The following PSMC1 variants were observed in gnomAD, a reference collection of about 807,000 sequenced individuals.
PSMC1 encodes 26S proteasome regulatory subunit 4.
A neutral mutation model predicts 49.8 loss-of-function variants in PSMC1; 5 were observed. That is an observed-to-expected ratio of 0.10 (90% CI 0.05 to 0.21). PSMC1 has a LOEUF of 0.21. Ranked by LOEUF, PSMC1 falls within the 10% of genes least tolerant of loss-of-function variation. PSMC1 has a pLI of 1.00. For missense variants in PSMC1, 181 were observed against 535.7 expected (o/e 0.34, Z 6.54); for synonymous variants, 155 against 192.1 (o/e 0.81, Z 1.60).
At chr14:90,260,352 T>C in intron 3 of PSMC1, 141 bp downstream of exon 3, 1 of 641,186 alleles carries the variant, frequency 1.6e-6, no homozygotes, top group Non-Finnish European at 2.7e-6. Context: ...TCTACCTCAC[T>C]CTTGAGTGTG....
intron 2 of PSMC1, among the ~76,000 whole-genome samples, chr14:90,259,545 T>C (rs141680812): frequency 2.0e-5 from 3 of 152,350 alleles, no homozygotes; most frequent in Non-Finnish European, 4.4e-5. Flanking sequence ...GCATATAACT[T>C]GATTCTTAAC....
rs1377390465 is a variant in PSMC1, at chr14:90,263,629, T to G, written c.280-33T>G. Reference sequence around the variant, plus strand: ...CAGGATCATCTACTTTGAGGTCTAGTCTGCTTTTTTCCCTTGGCATTTTCA... The same window carrying G: ...CAGGATCATCTACTTTGAGGTCTAGGCTGCTTTTTTCCCTTGGCATTTTCA... On this transcript the variant is annotated intron_variant, in intron 4 of 10. Coordinates refer to ENST00000261303, the MANE Select transcript of PSMC1 (RefSeq NM_002802.3). 4 of 1,604,780 alleles carry G rather than the reference T, an allele frequency of 2.5e-6. No homozygotes were observed. In the South Asian group the frequency reaches 4.4e-5, roughly 18 times the overall value.
chr14:90,269,311 T>C, intron 8 of PSMC1, 86 bp from the exon 9 acceptor site: 1 of 1,209,080 alleles, frequency 8.3e-7, no homozygotes, highest in East Asian at 2.4e-5. Context: ...GTTAAGGTGT[T>C]TTGTCACAAT....
rs116499899 is a variant in PSMC1 at position 90,274,409 on chromosome 14, G to T, written c.*2002G>T. ...GGCAGTCAGGCAGGTAAACAGGACA[G>T]TGGGAGCCAGGTTTCTCTGAGGAGT... On this transcript the variant is annotated 3_prime_UTR_variant, in exon 11 of 11. Coordinates refer to ENST00000261303, the MANE Select transcript of PSMC1 (RefSeq NM_002802.3). 7.4e-3 allele frequency: 1,146 copies of T among 154,146 alleles called. 10 individuals are homozygous for T. Among genetic ancestry groups the T allele is most frequent in the African/African-American group, 0.027 (1,103 of 41,504 alleles). 9.5% of individuals were successfully genotyped at this position (154,146 alleles called of 1,614,324 possible). A position where few individuals can be genotyped will look rare whatever the true frequency, so the allele number is the denominator to read the frequency against.
rs1029432932 is a variant in PSMC1 at position 90,275,370 on chromosome 14, T to G, written c.*2963T>G. On this transcript the variant is annotated 3_prime_UTR_variant, in exon 11 of 11. Coordinates refer to ENST00000261303, the MANE Select transcript of PSMC1 (RefSeq NM_002802.3). ...ACTCACACGGTTCAGGAAACAAAATTCTTTGTAACGCACTTGCATCTTTTC... is the reference window on the plus strand; with the variant it reads ...ACTCACACGGTTCAGGAAACAAAATGCTTTGTAACGCACTTGCATCTTTTC... The G allele has an allele frequency of 6.6e-6, 1 of 152,018 alleles. No homozygotes were observed. The highest frequency in any genetic ancestry group is 2.4e-5 in the African/African-American group (1 of 41,362). The allele number at this position is 152,018 out of a possible 1,614,324, so 9.4% of individuals were successfully genotyped here. A position where few individuals can be genotyped will look rare whatever the true frequency, so the allele number is the denominator to read the frequency against.
At position 90,274,836 on chromosome 14, in the gene PSMC1, A is replaced by ACCCC. The variant is rs1270606628; in HGVS notation, c.*2430_*2431insCCCC. 31 of 59,272 alleles carry ACCCC rather than the reference A, an allele frequency of 5.2e-4. 1 individual carries two copies. The East Asian group carries it at 6.6e-3, about 13-fold the overall frequency. The allele number at this position is 59,272 out of a possible 1,614,324, so 3.7% of individuals were successfully genotyped here. ...CACACACACACACACACACACACAC[A>ACCCC]CACCCCAATACATATGAATTGATCT... On this transcript the variant is annotated 3_prime_UTR_variant, in exon 11 of 11. Transcript: ENST00000261303.
At chr14:90,265,947 TGGA>T (rs1306944589) in intron 7 of PSMC1, among the ~76,000 whole-genome samples, 1 of 151,950 alleles carries the variant, frequency 6.6e-6, no homozygotes, top group Non-Finnish European at 1.5e-5. Flanking sequence ...GGAGCCATAG[TGGA>T]GAAGTGCTAC....
At position 90,263,595 on chromosome 14, in the gene PSMC1, G is replaced by T. The variant is rs559932478; in HGVS notation, c.280-67G>T. ...AAGCATCGGCTGCTTTGTAAATCTA[G>T]CGAACTATCAGGATCATCTACTTTG... On this transcript the variant is annotated intron_variant, in intron 4 of 10. Coordinates refer to ENST00000261303, the MANE Select transcript of PSMC1 (RefSeq NM_002802.3). The T allele has an allele frequency of 1.2e-4, 179 of 1,550,856 alleles. 2 individuals carry two copies. The South Asian group carries it at 2.0e-3, about 17-fold the overall frequency.
chr14:90,263,577 GGCT>G (rs1891445231), intron 4 of PSMC1, 82 bp from the exon 5 acceptor site: 1 of 1,507,734 alleles, frequency 6.6e-7, no homozygotes, highest in Non-Finnish European at 9.1e-7. Context: ...TACAAGCATC[GGCT>G]GCTTTGTAAA....
Position 90,274,631 on chromosome 14 carries a change from G to A in PSMC1, c.*2224G>A, listed in dbSNP as rs1049172947. ...GATGAACCCAAAGTCTGTTTTGCCAGAAAGCAAGGGAGTGCTCAAGGAATG... is the reference window on the plus strand; with the variant it reads ...GATGAACCCAAAGTCTGTTTTGCCAAAAAGCAAGGGAGTGCTCAAGGAATG... On this transcript the variant is annotated 3_prime_UTR_variant, in exon 11 of 11. Transcript: ENST00000261303. 1 of 152,196 alleles carries A rather than the reference G, an allele frequency of 6.6e-6. No individual in the cohort carries two copies. The highest frequency in any genetic ancestry group is 2.4e-5 in the African/African-American group (1 of 41,408). The allele number at this position is 152,196 out of a possible 1,614,324, so 9.4% of individuals were successfully genotyped here.
chr14:90,270,062 TA>T, intron 9 of PSMC1, 135 bp from the exon 10 acceptor site: 1 of 899,736 alleles, frequency 1.1e-6, no homozygotes. Flanking sequence ...GTTTACTTTT[TA>T]AAATTTAGAC....
chr14:90,274,838 A>ACACACACCCC lies in PSMC1; in HGVS notation c.*2432_*2433insACACACCCCC, dbSNP rs1491397403. On this transcript the variant is annotated 3_prime_UTR_variant, in exon 11 of 11. Transcript: ENST00000261303. ...CACACACACACACACACACACACACACCCCAATACATATGAATTGATCTGA... is the reference window on the plus strand; with the variant it reads ...CACACACACACACACACACACACACACACACACCCCCCCCAATACATATGAATTGATCTGA... 3.7e-4 allele frequency: 25 copies of ACACACACCCC among 67,214 alleles called. No individual in the cohort carries two copies. Among genetic ancestry groups the ACACACACCCC allele is most frequent in the East Asian group, 3.0e-3 (9 of 2,956 alleles). The allele number at this position is 67,214 out of a possible 1,614,324, so 4.2% of individuals were successfully genotyped here. A position where few individuals can be genotyped will look rare whatever the true frequency, so the allele number is the denominator to read the frequency against.
chr14:90,270,581 C>A, intron 10 of PSMC1: 1 of 454,866 alleles, frequency 2.2e-6, no homozygotes, highest in Non-Finnish European at 3.8e-6. Flanking sequence ...AGCCACAAGG[C>A]TGAGTCGCTG....
Position 90,267,905 on chromosome 14 carries a change from G to A in PSMC1, c.692-319G>A, listed in dbSNP as rs189212614. On this transcript the variant is annotated intron_variant, in intron 7 of 10. Coordinates refer to ENST00000261303, the MANE Select transcript of PSMC1 (RefSeq NM_002802.3). ...CATTACTGGAATGAAGCAATTCTTCGTACAGGTAATTATAGTTCGCAGCTT... is the reference window on the plus strand; with the variant it reads ...CATTACTGGAATGAAGCAATTCTTCATACAGGTAATTATAGTTCGCAGCTT... 313 of 230,092 alleles carry A rather than the reference G, an allele frequency of 1.4e-3. 2 individuals are homozygous for A. Among genetic ancestry groups the A allele is most frequent in the African/African-American group, 6.6e-3 (290 of 43,800 alleles). 14.3% of individuals were successfully genotyped at this position (230,092 alleles called of 1,614,324 possible).
chr14:90,264,261 T>C, intron 6 of PSMC1, 92 bp downstream of exon 6: 1 of 1,536,934 alleles, frequency 6.5e-7, no homozygotes, highest in Non-Finnish European at 8.8e-7. Context: ...TGTTTGCTTA[T>C]TTATTAATCA....
chr14:90,264,018 T>G, intron 5 of PSMC1, 23 bp from the exon 6 acceptor site: 1 of 1,600,960 alleles, frequency 6.2e-7, no homozygotes. Context: ...GTTCCTGTGT[T>G]AAACCTTGAT....
At chr14:90,271,892 AT>A (rs58641715) in intron 10 of PSMC1, 21,205 of 139,822 alleles carry the variant, frequency 0.15, 1,661 homozygotes, top group Non-Finnish European at 0.19. Context: ...TTCAGAACAG[AT>A]TTTTTTTTTT....
At chr14:90,259,031 C>A in intron 1 of PSMC1, 129 bp from the exon 2 acceptor site, 1 of 785,648 alleles carries the variant, frequency 1.3e-6, no homozygotes, top group Non-Finnish European at 1.9e-6. Flanking sequence ...ATCTTGGGTT[C>A]AGAAATGTTC....
Position 90,260,215 on chromosome 14 carries a change from A to G in PSMC1, c.154+4A>G. 4.4e-6 allele frequency: 7 copies of G among 1,588,562 alleles called. No individual in the cohort carries two copies. The highest frequency in any genetic ancestry group is 6.0e-6 in the Non-Finnish European group (7 of 1,160,716). On this transcript the variant is annotated splice_donor_region_variant and intron_variant, in intron 3 of 10. Transcript: ENST00000261303. Reference sequence around the variant, plus strand: ...GCTGCCAGCAAACTGCCACTGGGTAATGACATGGCTTCTCCTTGCCATCTT... The same window carrying G: ...GCTGCCAGCAAACTGCCACTGGGTAGTGACATGGCTTCTCCTTGCCATCTT...
Sources: gnomAD v4.1 joint callset for allele counts (sites outside exome capture counted in the v4.1 genomes callset) on GRCh38, gnomAD v4.1.1 for gene constraint, MANE v1.5 for transcripts, NCBI Gene and HGNC (gene_info 2026-07-23, HGNC 2026-07-21) for gene names.